The following SPRED1 variants were observed in gnomAD, a reference collection of about 807,000 sequenced individuals.
SPRED1 encodes sprouty related EVH1 domain containing 1, also known as sprouty-related, EVH1 domain-containing protein 1.
SPRED1 carries 18 observed loss-of-function variants against 52.3 expected under a neutral mutation model. That is an observed-to-expected ratio of 0.34 (90% CI 0.24 to 0.51). The LOEUF (loss-of-function observed/expected upper bound fraction) is 0.51. Among genes scored for constraint, SPRED1 ranks in the 20% least tolerant of loss-of-function variants. The probability of loss-of-function intolerance (pLI) is 0.97; values close to 1 mark genes in which losing one functional copy is unlikely to be tolerated. For missense variants in SPRED1, 485 were observed against 551.0 expected (o/e 0.88, Z 1.20); for synonymous variants, 155 against 179.7 (o/e 0.86, Z 1.10).
At chr15:38,350,981 C>G in intron 6 of SPRED1, 33 bp from the exon 7 acceptor site, 1 of 1,598,106 alleles carries the variant, frequency 6.3e-7, no homozygotes, top group Non-Finnish European at 8.5e-7. Flanking sequence ...CCATCATAGC[C>G]CTCATTGCAG....
At chr15:38,340,689 C>A (rs978234904) in intron 5 of SPRED1, among the ~76,000 whole-genome samples, 3 of 152,076 alleles carry the variant, frequency 2.0e-5, no homozygotes, top group African/African-American at 7.2e-5. Flanking sequence ...CCTGCCACCA[C>A]ACGTGGCTAA....
chr15:38,279,584 A>G (rs1280658851), intron 1 of SPRED1, among the ~76,000 whole-genome samples: 1 of 152,194 alleles, frequency 6.6e-6, no homozygotes, highest in Admixed American at 6.5e-5. Flanking sequence ...GCCCAGATCA[A>G]GGTCCAGCTC....
chr15:38,282,860 T>C (rs16966624), intron 1 of SPRED1, among the ~76,000 whole-genome samples: 31,959 of 152,022 alleles, frequency 0.21, 3,929 homozygotes, highest in Non-Finnish European at 0.27. Flanking sequence ...TCCCTCGCTG[T>C]CATGCGTTGT....
intron 2 of SPRED1, among the ~76,000 whole-genome samples, chr15:38,315,671 A>G (rs1895463649): frequency 6.6e-6 from 1 of 151,974 alleles, no homozygotes; most frequent in South Asian, 2.1e-4. Flanking sequence ...TTTAGAATCC[A>G]TTAACAAACT....
intron 1 of SPRED1, among the ~76,000 whole-genome samples, chr15:38,284,607 C>T (rs1487104849): frequency 6.6e-6 from 1 of 152,134 alleles, no homozygotes; most frequent in Non-Finnish European, 1.5e-5. Flanking sequence ...GGTATTACCA[C>T]ACAACTATAA....
intron 1 of SPRED1, among the ~76,000 whole-genome samples, chr15:38,287,838 C>A (rs1894841502): frequency 7.1e-6 from 1 of 141,502 alleles, no homozygotes; most frequent in African/African-American, 2.6e-5. Context: ...GGTCCTGGAA[C>A]CAATTTCACA....
intron 1 of SPRED1, among the ~76,000 whole-genome samples, chr15:38,290,374 C>A (rs1159397194): frequency 6.6e-6 from 1 of 152,162 alleles, no homozygotes; most frequent in East Asian, 1.9e-4. Flanking sequence ...TACTGTCTAG[C>A]AGAACCTAAA....
chr15:38,272,877 G>T (rs917316902), intron 1 of SPRED1, among the ~76,000 whole-genome samples: 2 of 152,108 alleles, frequency 1.3e-5, no homozygotes, highest in African/African-American at 4.8e-5. Flanking sequence ...TTTTTAAAAT[G>T]AGGTTATTTG....
chr15:38,326,024 A>T (rs1240889948), intron 4 of SPRED1: 3 of 152,376 alleles, frequency 2.0e-5, no homozygotes, highest in East Asian at 3.9e-4. Context: ...CAGGACTCAG[A>T]CAGTAAATAA....
chr15:38,256,727 A>G (rs568353476), intron 1 of SPRED1, among the ~76,000 whole-genome samples: 1 of 152,312 alleles, frequency 6.6e-6, no homozygotes, highest in East Asian at 1.9e-4. Context: ...GCCTCATAAA[A>G]AATATACCCA....
chr15:38,291,898 C>T (rs1414829697), intron 1 of SPRED1, among the ~76,000 whole-genome samples: 17 of 152,252 alleles, frequency 1.1e-4, no homozygotes, highest in Admixed American at 1.1e-3. Context: ...TGGGGATTAA[C>T]ATTAGGCTCC....
chr15:38,287,065 C>T (rs1894826582), intron 1 of SPRED1, among the ~76,000 whole-genome samples: 1 of 152,116 alleles, frequency 6.6e-6, no homozygotes, highest in African/African-American at 2.4e-5. Context: ...AATAATGCAG[C>T]TGTTACCATG....
chr15:38,351,338 T>A lies in SPRED1; in HGVS notation c.1009T>A (p.Tyr337Asn). 6.2e-7 allele frequency: 1 copy of A among 1,614,144 alleles called. No individual in the cohort carries two copies. The highest frequency in any genetic ancestry group is 8.5e-7 in the Non-Finnish European group (1 of 1,180,020). The change falls in exon 7 of 7, where the codon TAC becomes AAC. Residue 337 changes from tyrosine (Y) to asparagine (N), a missense_variant. Tyr to Asn is a moderately radical substitution (Grantham distance 143, BLOSUM62 -2). This residue lies in a region of SPRED1 where 205 missense variants were observed against 245.2 expected (regional missense o/e 0.84). Coordinates refer to ENST00000299084, the MANE Select transcript of SPRED1 (RefSeq NM_152594.3). ...GGATGGTGAACGTTCTCGCTGCGTA[T>A]ACTGCCAGGAAAGGTTTAATCATGA... ...KEDGERSRCVYCQERFNHEEN... is the reference protein window; with the variant it reads ...KEDGERSRCVNCQERFNHEEN...
intron 5 of SPRED1, among the ~76,000 whole-genome samples, chr15:38,346,415 G>T (rs1374946858): frequency 6.6e-6 from 1 of 151,982 alleles, no homozygotes; most frequent in African/African-American, 2.4e-5. Context: ...TTACTTTCAC[G>T]GGTTCATTTC....
At position 38,322,188 on chromosome 15, in the gene SPRED1, A is replaced by G. The variant is rs577606048; in HGVS notation, c.208-53A>G. Reference sequence around the variant, plus strand: ...ACCTCAGTTTGTATTTATGAGCTACATTAGATGCATTTGATATATGTATAT... The same window carrying G: ...ACCTCAGTTTGTATTTATGAGCTACGTTAGATGCATTTGATATATGTATAT... On this transcript the variant is annotated intron_variant, in intron 2 of 6. Transcript: ENST00000299084. 4.6e-6 allele frequency: 7 copies of G among 1,538,220 alleles called. No homozygotes were observed. The Admixed American group carries it at 6.7e-5, about 15-fold the overall frequency.
intron 1 of SPRED1, among the ~76,000 whole-genome samples, chr15:38,283,240 A>G (rs895341129): frequency 2.6e-5 from 4 of 152,178 alleles, no homozygotes; most frequent in Non-Finnish European, 2.9e-5. Flanking sequence ...TCAAACACAT[A>G]TATAACCATC....
At chr15:38,311,951 C>T (rs1235403294) in intron 2 of SPRED1, among the ~76,000 whole-genome samples, 1 of 151,954 alleles carries the variant, frequency 6.6e-6, no homozygotes, top group East Asian at 1.9e-4. Flanking sequence ...CTTCTTTAGT[C>T]TCTGGAGGTA....
At position 38,352,193 on chromosome 15, in the gene SPRED1, C is replaced by A; in HGVS notation, c.*529C>A. 6.4e-6 allele frequency: 1 copy of A among 156,872 alleles called. No homozygotes were observed. The highest frequency in any genetic ancestry group is 1.4e-5 in the Non-Finnish European group (1 of 71,150). The allele number at this position is 156,872 out of a possible 1,614,324, so 9.7% of individuals were successfully genotyped here. ...TTTATATTTAACTAAATGTAAGGTA[C>A]GAATTATTACATATTAAACTTTTCT... On this transcript the variant is annotated 3_prime_UTR_variant, in exon 7 of 7. Coordinates refer to ENST00000299084, the MANE Select transcript of SPRED1 (RefSeq NM_152594.3).
At chr15:38,317,511 C>A (rs1259994683) in intron 2 of SPRED1, among the ~76,000 whole-genome samples, 1 of 151,876 alleles carries the variant, frequency 6.6e-6, no homozygotes, top group Non-Finnish European at 1.5e-5. Flanking sequence ...CTAATTATGC[C>A]AATCTCAAAT....
Sources: allele counts gnomAD v4.1 joint callset (sites outside exome capture counted in the v4.1 genomes callset), GRCh38; gene constraint gnomAD v4.1.1; regional missense constraint gnomAD v4.1.1; transcripts MANE v1.5; gene names NCBI Gene and HGNC (gene_info 2026-07-23, HGNC 2026-07-21).